TAF1: variants seen among roughly 807,000 people sequenced by gnomAD.
The protein encoded by TAF1 is transcription initiation factor TFIID subunit 1.
A neutral mutation model predicts 138.5 loss-of-function variants in TAF1; 2 were observed. The observed-to-expected ratio is 0.01, with a 90% CI of 0.01 to 0.05. The LOEUF is 0.05. TAF1 is among the 10% of genes least tolerant of loss of function. The probability of loss-of-function intolerance (pLI) is 1.00; values close to 1 mark genes in which losing one functional copy is unlikely to be tolerated. For missense variants in TAF1, 709 were observed against 1,478.0 expected (o/e 0.48, Z 8.53); for synonymous variants, 437 against 503.2 (o/e 0.87, Z 1.76).
chrX:71,383,366 C>T (rs1229372436), intron 12 of TAF1, among the ~76,000 whole-genome samples: 1 of 111,903 alleles, frequency 8.9e-6, no homozygotes, highest in Admixed American at 9.5e-5. Context: ...AGAATGACTG[C>T]ATCTTTCAAA....
At chrX:71,454,147 G>A (rs374222998) in intron 32 of TAF1, 23 bp from the exon 33 acceptor site, 4 of 1,184,810 alleles carry the variant, frequency 3.4e-6, no homozygotes, top group East Asian at 3.0e-5. Flanking sequence ...AAAGATAATG[G>A]CACTTTCTTA....
At chrX:71,418,639 A>G (rs1203550484) in intron 28 of TAF1, among the ~76,000 whole-genome samples, 1 of 112,403 alleles carries the variant, frequency 8.9e-6, no homozygotes, top group East Asian at 2.8e-4. Flanking sequence ...TACTTGCTAG[A>G]TGAAAATATT....
rs1333327598 is a variant in TAF1 at position 71,383,036 on chromosome X, C to T, written c.1819C>T (p.His607Tyr). Residue 607 changes from histidine to tyrosine, a missense_variant, in exon 12 of 38, where the codon CAC becomes TAC. Transcript: ENST00000423759. Reference sequence around the variant, plus strand: ...ATTACGGCAGCCCTTCTTTCCCACCCACATGGGGCCCATCAAACTCCGGCA... The same window carrying T: ...ATTACGGCAGCCCTTCTTTCCCACCTACATGGGGCCCATCAAACTCCGGCA... ...VELRQPFFPT[H>Y]MGPIKLRQFH... 8.3e-7 allele frequency: 1 copy of T among 1,208,544 alleles called. No individual in the cohort carries two copies. Among genetic ancestry groups the T allele is most frequent in the Non-Finnish European group, 1.1e-6 (1 of 895,005 alleles).
chrX:71,408,598 C>T (rs1569314314), intron 28 of TAF1, among the ~76,000 whole-genome samples: 1 of 111,770 alleles, frequency 8.9e-6, no homozygotes, highest in Non-Finnish European at 1.9e-5. Flanking sequence ...TGAGCCACTG[C>T]GCCCGGCCTA....
intron 25 of TAF1, among the ~76,000 whole-genome samples, chrX:71,403,285 T>TC (rs1210458758): frequency 8.9e-5 from 10 of 111,744 alleles, no homozygotes; most frequent in African/African-American, 3.2e-4. Flanking sequence ...TGCCTCAGCT[T>TC]CCCAAAGTGC....
chrX:71,471,691 A>G (rs896956895), intron 13 of TAF1, among the ~76,000 whole-genome samples: 1 of 111,153 alleles, frequency 9.0e-6, no homozygotes, highest in Non-Finnish European at 1.9e-5. Context: ...AGATTTATTG[A>G]AAACGAAAGT....
chrX:71,401,807 C>T, intron 25 of TAF1, 68 bp downstream of exon 25: 1 of 1,037,130 alleles, frequency 9.6e-7, no homozygotes. Context: ...TGGTGGCTGG[C>T]AGGGGTAGAT....
chrX:71,433,409 G>A (rs866683250), intron 32 of TAF1, among the ~76,000 whole-genome samples: 3 of 111,669 alleles, frequency 2.7e-5, no homozygotes, highest in African/African-American at 9.7e-5. Context: ...GAAGAACACA[G>A]ATTTCAAACT....
intron 24 of TAF1, among the ~76,000 whole-genome samples, chrX:71,400,271 A>G (rs2035109583): frequency 9.1e-6 from 1 of 109,872 alleles, no homozygotes. Context: ...TTGTATTTTT[A>G]GTAAAGACAG....
At chrX:71,378,206 C>T (rs745836335) in intron 6 of TAF1, 29 bp from the exon 7 acceptor site, 12 of 1,196,601 alleles carry the variant, frequency 1.0e-5, no homozygotes, top group Non-Finnish European at 3.4e-6. Flanking sequence ...AGGAAATTCT[C>T]CCTGCTCTAC....
chrX:71,393,954 A>G, intron 21 of TAF1, 113 bp from the exon 22 acceptor site: 1 of 787,642 alleles, frequency 1.3e-6, no homozygotes, highest in Non-Finnish European at 1.7e-6. Context: ...TAAGGGCCCC[A>G]TGTCTTAGTG....
At chrX:71,443,920 A>C (rs1403390441) in intron 32 of TAF1, among the ~76,000 whole-genome samples, 1 of 111,461 alleles carries the variant, frequency 9.0e-6, no homozygotes, top group African/African-American at 3.3e-5. Context: ...CATGTTGGCC[A>C]GGCTGGTTTC....
At chrX:71,449,642 T>C (rs1236463541) in intron 32 of TAF1, among the ~76,000 whole-genome samples, 1 of 112,642 alleles carries the variant, frequency 8.9e-6, no homozygotes, top group East Asian at 2.8e-4. Context: ...ATTTATAGGC[T>C]GGGGTTTTAG....
chrX:71,386,637 G>T (rs2034247168), intron 14 of TAF1, among the ~76,000 whole-genome samples: 1 of 112,065 alleles, frequency 8.9e-6, no homozygotes, highest in East Asian at 2.8e-4. Flanking sequence ...GCTAATTATT[G>T]TATTTTCTGT....
At chrX:71,404,875 A>G (rs902590566) in intron 25 of TAF1, among the ~76,000 whole-genome samples, 1 of 110,093 alleles carries the variant, frequency 9.1e-6, no homozygotes, top group Non-Finnish European at 1.9e-5. Flanking sequence ...AAACCCATAA[A>G]GTAGGTTCAA....
At chrX:71,462,917 A>G (rs2038612100) in intron 37 of TAF1, among the ~76,000 whole-genome samples, 1 of 112,295 alleles carries the variant, frequency 8.9e-6, no homozygotes, top group Non-Finnish European at 1.9e-5. Flanking sequence ...TTATGACAGC[A>G]TTGTTTCTAA....
intron 29 of TAF1, among the ~76,000 whole-genome samples, chrX:71,421,974 C>T (rs1366327426): frequency 1.8e-5 from 2 of 112,068 alleles, no homozygotes; most frequent in African/African-American, 3.2e-5. Flanking sequence ...TACATACCCA[C>T]TGCAAAGGCT....
chrX:71,524,473 C>T lies in TAF1; in HGVS notation c.1367-4069C>T, dbSNP rs775754582. On this transcript the variant is annotated intron_variant and NMD_transcript_variant, in intron 13 of 14. Coordinates refer to the TAF1 transcript ENST00000373775. ...TTATGCAAAATTAAGTACCTTTTCC[C>T]CTTTAAGTCAAAATAGCATAATACC... Among the ~76,000 whole-genome samples the T allele has an allele frequency of 9.9e-5, 11 of 111,236 alleles. No homozygotes were observed. The South Asian group carries it at 4.1e-3, about 42-fold the overall frequency.
At chrX:71,388,572 T>G in intron 16 of TAF1, 166 bp from the exon 17 acceptor site, 1 of 902,073 alleles carries the variant, frequency 1.1e-6, no homozygotes. Context: ...GTTGGATATC[T>G]TCTATGAGTT....
Sources: gnomAD v4.1 joint callset for allele counts (sites outside exome capture counted in the v4.1 genomes callset) on GRCh38, gnomAD v4.1.1 for gene constraint, MANE v1.5 for transcripts, NCBI Gene and HGNC (gene_info 2026-07-23, HGNC 2026-07-21) for gene names.